ADAMTS2: variants seen among roughly 807,000 people sequenced by gnomAD.
The protein encoded by ADAMTS2 is ADAM metallopeptidase with thrombospondin type 1 motif 2.
A neutral mutation model predicts 123.0 loss-of-function variants in ADAMTS2; 50 were observed. That is an observed-to-expected ratio of 0.41 (90% CI 0.32 to 0.51). The LOEUF (loss-of-function observed/expected upper bound fraction) is 0.51, where lower values mean the gene tolerates loss of function less well. Among genes scored for constraint, ADAMTS2 ranks in the 20% least tolerant of loss-of-function variants. The pLI, the probability that ADAMTS2 is intolerant of heterozygous loss-of-function variation, is 0.35. For synonymous variants in ADAMTS2, 678 were observed against 695.4 expected (o/e 0.98, Z 0.39); for missense variants, 1,494 against 1,705.2 (o/e 0.88, Z 2.18).
At chr5:179,296,141 G>A (rs2113551183) in intron 2 of ADAMTS2, among the ~76,000 whole-genome samples, 1 of 151,032 alleles carries the variant, frequency 6.6e-6, no homozygotes, top group African/African-American at 2.4e-5. Flanking sequence ...GAGCCGTGGG[G>A]ACAGGAGAAT....
At chr5:179,160,460 C>T (rs1434462814) in intron 5 of ADAMTS2, among the ~76,000 whole-genome samples, 1 of 152,122 alleles carries the variant, frequency 6.6e-6, no homozygotes, top group Non-Finnish European at 1.5e-5. Context: ...CAAAACAAAA[C>T]AAAACAAACA....
intron 3 of ADAMTS2, among the ~76,000 whole-genome samples, chr5:179,246,208 C>T (rs1716007848): frequency 1.3e-5 from 2 of 152,016 alleles, no homozygotes; most frequent in Admixed American, 1.3e-4. Flanking sequence ...ACCTACACAT[C>T]CAAGGAGCTC....
Position 179,130,055 on chromosome 5 carries a change from C to T in ADAMTS2, c.2334G>A (p.Glu778=). ...TTTTGGAACTGGCATCCACGTCATT[C>T]TCTTCATTTAAGATGAACTTGCCTG... is the stretch of plus-strand genomic sequence containing the variant. ...LETGKFILNE[E]NDVDASSKTF... is the part of the protein sequence containing the mutation. Residue 778 remains glutamate (E), a synonymous_variant, in exon 16 of 22, where the codon GAG becomes GAA. Coordinates refer to ENST00000251582, the MANE Select transcript of ADAMTS2 (RefSeq NM_014244.5). The surrounding 1 kb of genome is among the most constrained non-coding windows in gnomAD (Gnocchi z 4.3). The T allele has an allele frequency of 6.2e-7, 1 of 1,614,180 alleles. No individual in the cohort carries two copies. The highest frequency in any genetic ancestry group is 8.5e-7 in the Non-Finnish European group (1 of 1,180,050).
In ADAMTS2 at chr5:179,158,091, G is replaced by C. The variant is rs1053907053; in HGVS notation, c.1132+632C>G. Among the ~76,000 whole-genome samples the C allele has an allele frequency of 3.3e-5, 5 of 151,190 alleles. No homozygotes were observed. The highest frequency in any genetic ancestry group is 4.4e-5 in the Non-Finnish European group (3 of 67,750). ...ACCATTCTCCTGCCTCAGCCTCCCG[G>C]GTAGCTGGGACTACAGGCGCCCGCC... On this transcript the variant is annotated intron_variant, in intron 6 of 21. Coordinates refer to ENST00000251582, the MANE Select transcript of ADAMTS2 (RefSeq NM_014244.5). The surrounding 1 kb of genome is among the most constrained non-coding windows in gnomAD (Gnocchi z 5.0).
chr5:179,180,068 T>A lies in ADAMTS2; in HGVS notation c.975+1004A>T, dbSNP rs1273109445. On this transcript the variant is annotated intron_variant, in intron 5 of 21. Transcript: ENST00000251582. This position sits in a 1 kb window ranked among gnomAD's most constrained non-coding sequence, Gnocchi z 4.6. ...GTCACATTAAGCCTCGGTGTTCTTA[T>A]CTGTGAAATGGGCAGAGTCACAGTG... is the stretch of plus-strand genomic sequence containing the variant. 3.3e-5 allele frequency among the ~76,000 whole-genome samples: 5 copies of A among 152,214 alleles called. No individual in the cohort carries two copies. Among genetic ancestry groups the A allele is most frequent in the African/African-American group, 4.8e-5 (2 of 41,444 alleles).
intron 2 of ADAMTS2, among the ~76,000 whole-genome samples, chr5:179,329,129 C>G (rs559194252): frequency 1.3e-5 from 2 of 152,046 alleles, no homozygotes; most frequent in East Asian, 1.9e-4. Context: ...AGATGGAGAC[C>G]ATCCTGGCTA....
chr5:179,290,855 A>G, intron 2 of ADAMTS2, among the ~76,000 whole-genome samples: 1 of 152,174 alleles, frequency 6.6e-6, no homozygotes, highest in East Asian at 1.9e-4. Flanking sequence ...AGAAGGAAGC[A>G]AGCCTGGCGT....
chr5:179,122,158 A>G (rs1188321516), intron 20 of ADAMTS2, among the ~76,000 whole-genome samples: 1 of 151,350 alleles, frequency 6.6e-6, no homozygotes, highest in African/African-American at 2.4e-5. Context: ...AGGTGCCTAG[A>G]CCCCCCAGAG....
At position 179,285,517 on chromosome 5, in the gene ADAMTS2, G is replaced by C. The variant is rs1271745280; in HGVS notation, c.535-12453C>G. On this transcript the variant is annotated intron_variant, in intron 2 of 21. Coordinates refer to ENST00000251582, the MANE Select transcript of ADAMTS2 (RefSeq NM_014244.5). The surrounding 1 kb of genome is among the most constrained non-coding windows in gnomAD (Gnocchi z 4.9). ...GGCTCCTGCACACACCAATGCCGGG[G>C]TAGCCTCCAGGAAACAGAGCTGGCC... 1.3e-5 allele frequency among the ~76,000 whole-genome samples: 2 copies of C among 152,166 alleles called. No homozygotes were observed. The highest frequency in any genetic ancestry group is 4.8e-5 in the African/African-American group (2 of 41,436).
chr5:179,135,878 T>C (rs757476733), intron 13 of ADAMTS2, 31 bp downstream of exon 13: 3 of 1,612,284 alleles, frequency 1.9e-6, no homozygotes, highest in Non-Finnish European at 2.5e-6. Flanking sequence ...CTTGACACGG[T>C]AGCCCCCCGT....
At chr5:179,316,031 T>C (rs1274965542) in intron 2 of ADAMTS2, among the ~76,000 whole-genome samples, 1 of 152,154 alleles carries the variant, frequency 6.6e-6, no homozygotes, top group Non-Finnish European at 1.5e-5. Flanking sequence ...AAAAGCTCCA[T>C]AGCTAGACCC....
In ADAMTS2 at chr5:179,181,396, C is replaced by G. The variant is rs955523262; in HGVS notation, c.892-241G>C. On this transcript the variant is annotated intron_variant, in intron 4 of 21. Coordinates refer to ENST00000251582, the MANE Select transcript of ADAMTS2 (RefSeq NM_014244.5). This position sits in a 1 kb window ranked among gnomAD's most constrained non-coding sequence, Gnocchi z 4.1. Reference sequence around the variant, plus strand: ...CTTCCTGAGCAACCCCACCCACCAGCCCAGGGTTTCCTCACCTGGGGCCTG... The same window carrying G: ...CTTCCTGAGCAACCCCACCCACCAGGCCAGGGTTTCCTCACCTGGGGCCTG... 3.9e-5 allele frequency among the ~76,000 whole-genome samples: 6 copies of G among 152,150 alleles called. 1 individual carries two copies. Among genetic ancestry groups the G allele is most frequent in the Admixed American group, 3.9e-4 (6 of 15,288 alleles).
intron 5 of ADAMTS2, among the ~76,000 whole-genome samples, chr5:179,161,256 G>C (rs1482142333): frequency 6.6e-6 from 1 of 152,300 alleles, no homozygotes; most frequent in Middle Eastern, 3.4e-3. Flanking sequence ...GCGAAAGAAT[G>C]TCCCTTCTCA....
intron 3 of ADAMTS2, among the ~76,000 whole-genome samples, chr5:179,238,255 G>A (rs1765576835): frequency 6.6e-6 from 1 of 152,224 alleles, no homozygotes; most frequent in Admixed American, 6.5e-5. Flanking sequence ...CCAGGGAGCT[G>A]AGTCCCGGTT....
At chr5:179,311,787 C>G (rs951781615) in intron 2 of ADAMTS2, among the ~76,000 whole-genome samples, 5 of 152,216 alleles carry the variant, frequency 3.3e-5, no homozygotes, top group African/African-American at 1.2e-4. Context: ...TCACCCCCCA[C>G]TCGCCCGTGC....
chr5:179,228,378 C>T lies in ADAMTS2; in HGVS notation c.689-20663G>A, dbSNP rs2096798424. ...CCTGACTCAGCTCACTCCACCAGAA[C>T]CCAGTCTGGGCACCAGCCTGTTTTC... On this transcript the variant is annotated intron_variant, in intron 3 of 21. Coordinates refer to ENST00000251582, the MANE Select transcript of ADAMTS2 (RefSeq NM_014244.5). The surrounding 1 kb of genome is among the most constrained non-coding windows in gnomAD (Gnocchi z 5.2). Among the ~76,000 whole-genome samples the T allele has an allele frequency of 6.6e-6, 1 of 152,218 alleles. No homozygotes were observed. The highest frequency in any genetic ancestry group is 1.5e-5 in the Non-Finnish European group (1 of 68,036).
intron 3 of ADAMTS2, among the ~76,000 whole-genome samples, chr5:179,245,760 C>T (rs1369565839): frequency 1.5e-5 from 1 of 66,338 alleles, no homozygotes; most frequent in Non-Finnish European, 2.4e-5. Flanking sequence ...AGCGAGACTC[C>T]GTCTCAAAAA....
chr5:179,153,135 C>A (rs932359078), intron 9 of ADAMTS2, among the ~76,000 whole-genome samples: 1 of 152,092 alleles, frequency 6.6e-6, no homozygotes, highest in African/African-American at 2.4e-5. Flanking sequence ...GTGGCCTCTG[C>A]GTCCGTGGCC....
rs190558563 is a variant in ADAMTS2 at position 179,241,535 on chromosome 5, G to A, written c.688+31376C>T. ...CAAACAGAGTCAAAATCAATTTGACGTTCAAAACGACATGAAAATTGCCAT... is the reference window on the plus strand; with the variant it reads ...CAAACAGAGTCAAAATCAATTTGACATTCAAAACGACATGAAAATTGCCAT... On this transcript the variant is annotated intron_variant, in intron 3 of 21. Transcript: ENST00000251582. 1.4e-4 allele frequency among the ~76,000 whole-genome samples: 21 copies of A among 152,344 alleles called. No individual in the cohort carries two copies. In the East Asian group the frequency reaches 3.5e-3, roughly 25 times the overall value.
Sources: allele counts gnomAD v4.1 joint callset (sites outside exome capture counted in the v4.1 genomes callset), GRCh38; gene constraint gnomAD v4.1.1; non-coding constraint Gnocchi (gnomAD v3.1); transcripts MANE v1.5; gene names NCBI Gene and HGNC (gene_info 2026-07-23, HGNC 2026-07-21).